Variants in PPP4R3A observed in about 807,000 individuals in gnomAD.
The protein encoded by PPP4R3A is serine/threonine-protein phosphatase 4 regulatory subunit 3A.
PPP4R3A carries 15 observed loss-of-function variants against 91.7 expected under a neutral mutation model. That is an observed-to-expected ratio of 0.16 (90% CI 0.11 to 0.25). The LOEUF (loss-of-function observed/expected upper bound fraction) is 0.25, where lower values mean the gene tolerates loss of function less well. Ranked by LOEUF, PPP4R3A falls within the 10% of genes least tolerant of loss-of-function variation. The pLI, the probability that PPP4R3A is intolerant of heterozygous loss-of-function variation, is 1.00. For missense variants in PPP4R3A, 623 were observed against 998.4 expected (o/e 0.62, Z 5.07); for synonymous variants, 377 against 348.7 (o/e 1.08, Z -0.91).
intron 11 of PPP4R3A, among the ~76,000 whole-genome samples, chr14:91,464,154 C>T (rs1888329972): frequency 6.6e-6 from 1 of 152,140 alleles, no homozygotes; most frequent in African/African-American, 2.4e-5. Flanking sequence ...GACCCTATCT[C>T]TACTACAAAT....
intron 1 of PPP4R3A, among the ~76,000 whole-genome samples, chr14:91,507,795 T>G (rs1891506270): frequency 6.6e-6 from 1 of 151,800 alleles, no homozygotes; most frequent in South Asian, 2.1e-4. Flanking sequence ...ATGTATTATT[T>G]TTAATATGGA....
In PPP4R3A at chr14:91,457,782, A is replaced by T. The variant is rs1438238651; in HGVS notation, c.*977T>A. 6.6e-6 allele frequency: 1 copy of T among 152,664 alleles called. No homozygotes were observed. Among genetic ancestry groups the T allele is most frequent in the Non-Finnish European group, 1.5e-5 (1 of 68,030 alleles). 9.5% of individuals were successfully genotyped at this position (152,664 alleles called of 1,614,324 possible). On this transcript the variant is annotated 3_prime_UTR_variant, in exon 15 of 15. Transcript: ENST00000554943. Reference sequence around the variant, plus strand: ...ATTTAACAAAACTGTTGAAGTTTTAAATTCCATTCTATTTCCCTGAATTCT... The same window carrying T: ...ATTTAACAAAACTGTTGAAGTTTTATATTCCATTCTATTTCCCTGAATTCT...
At chr14:91,495,182 T>C (rs1890462551) in intron 1 of PPP4R3A, among the ~76,000 whole-genome samples, 1 of 152,080 alleles carries the variant, frequency 6.6e-6, no homozygotes, top group African/African-American at 2.4e-5. Flanking sequence ...ATAAATTCAA[T>C]GTGGCATATA....
intron 2 of PPP4R3A, among the ~76,000 whole-genome samples, chr14:91,486,785 T>A (rs1270654525): frequency 1.3e-5 from 2 of 150,304 alleles, no homozygotes; most frequent in African/African-American, 4.9e-5. Context: ...GTGCCTGTAA[T>A]CCCAGCCACT....
Position 91,481,881 on chromosome 14 carries a change from G to A in PPP4R3A, c.610C>T (p.Arg204Ter). Residue 204 changes from arginine (R) to a stop codon, truncating the protein, a stop_gained, in exon 4 of 15, where the codon CGA (arginine) becomes TGA (stop). Transcript: ENST00000554943. LOFTEE classifies it high-confidence loss of function. ...EIIKGIFLLN[R>*]TALFEVMFSE... ...AACATAACTTCAAAAAGAGCAGTTC[G>A]ATTCAAGAGAAAGATGCCTTTGATA... The A allele has an allele frequency of 6.2e-7, 1 of 1,614,060 alleles. No homozygotes were observed. Among genetic ancestry groups the A allele is most frequent in the Non-Finnish European group, 8.5e-7 (1 of 1,180,016 alleles).
At chr14:91,484,697 A>C (rs1241621649) in intron 3 of PPP4R3A, among the ~76,000 whole-genome samples, 1 of 152,174 alleles carries the variant, frequency 6.6e-6, no homozygotes, top group Non-Finnish European at 1.5e-5. Context: ...CTAGTCTCAG[A>C]ATTTGCATTT....
At chr14:91,505,213 G>A (rs2140169110) in intron 1 of PPP4R3A, among the ~76,000 whole-genome samples, 1 of 152,202 alleles carries the variant, frequency 6.6e-6, no homozygotes, top group East Asian at 1.9e-4. Flanking sequence ...AGCACTTTGG[G>A]AGGCTGAGGA....
chr14:91,457,952 C>T lies in PPP4R3A; in HGVS notation c.*807G>A, dbSNP rs535199776. The T allele has an allele frequency of 6.6e-6, 1 of 152,370 alleles. No individual in the cohort carries two copies. The highest frequency in any genetic ancestry group is 1.5e-5 in the Non-Finnish European group (1 of 68,000). 9.4% of individuals were successfully genotyped at this position (152,370 alleles called of 1,614,324 possible). A position where few individuals can be genotyped will look rare whatever the true frequency, so the allele number is the denominator to read the frequency against. On this transcript the variant is annotated 3_prime_UTR_variant, in exon 15 of 15. Coordinates refer to ENST00000554943, the MANE Select transcript of PPP4R3A (RefSeq NM_001366432.2). ...CATAAAACTCTAAACAAATTAAGAA[C>T]TGTGATGTAGAACAAAAATTACACA...
chr14:91,489,516 T>C (rs1275707931), intron 2 of PPP4R3A, among the ~76,000 whole-genome samples: 1 of 152,180 alleles, frequency 6.6e-6, no homozygotes, highest in Non-Finnish European at 1.5e-5. Context: ...TCCTTGAAGA[T>C]TCCAAATATT....
At chr14:91,495,474 G>C (rs1890500229) in intron 1 of PPP4R3A, among the ~76,000 whole-genome samples, 1 of 151,972 alleles carries the variant, frequency 6.6e-6, no homozygotes, top group African/African-American at 2.4e-5. Context: ...TCCCAGTCCA[G>C]ATAGGTAAAT....
At chr14:91,465,554 C>T (rs74084670) in intron 10 of PPP4R3A, 135 bp from the exon 11 acceptor site, 14 of 682,834 alleles carry the variant, frequency 2.1e-5, no homozygotes, top group South Asian at 4.3e-5. Flanking sequence ...TTTGCACTTC[C>T]GGAACTGTGA....
intron 7 of PPP4R3A, among the ~76,000 whole-genome samples, chr14:91,474,336 G>T (rs1162245963): frequency 6.6e-6 from 1 of 152,168 alleles, no homozygotes; most frequent in Non-Finnish European, 1.5e-5. Context: ...AAATAAGATT[G>T]AGAGGGATTC....
chr14:91,505,448 A>T (rs1223976767), intron 1 of PPP4R3A, among the ~76,000 whole-genome samples: 2 of 151,968 alleles, frequency 1.3e-5, no homozygotes, highest in African/African-American at 4.8e-5. Context: ...TCTGCCTAAA[A>T]AAAAAAAAAA....
At position 91,509,726 on chromosome 14, in the gene PPP4R3A, C is replaced by T; in HGVS notation, c.-79G>A. The T allele has an allele frequency of 2.1e-6, 3 of 1,426,004 alleles. No homozygotes were observed. The highest frequency in any genetic ancestry group is 1.8e-6 in the Non-Finnish European group (2 of 1,098,694). The allele number at this position is 1,426,004 out of a possible 1,614,324, so 88.3% of individuals were successfully genotyped here. On this transcript the variant is annotated 5_prime_UTR_variant, in exon 1 of 15. Transcript: ENST00000554943. Reference sequence around the variant, plus strand: ...GGCCCTGGAGAGGCGAGGGGCGAGGCGTGAGGGCGCCCGCGAGCGGAGGGC... The same window carrying T: ...GGCCCTGGAGAGGCGAGGGGCGAGGTGTGAGGGCGCCCGCGAGCGGAGGGC...
chr14:91,490,866 A>G, intron 1 of PPP4R3A, 64 bp from the exon 2 acceptor site: 1 of 856,564 alleles, frequency 1.2e-6, no homozygotes, highest in Non-Finnish European at 1.8e-6. Context: ...ATTCCCTTAC[A>G]TACACACATA....
rs188845786 is a variant in PPP4R3A, at chr14:91,466,342, C to T, written c.1661-923G>A. ...GTTTCTTTGGAGATCATGGAAGTGG[C>T]TCGTTAAATTGCCAATTTGCTATTA... On this transcript the variant is annotated intron_variant, in intron 10 of 14. Coordinates refer to ENST00000554943, the MANE Select transcript of PPP4R3A (RefSeq NM_001366432.2). 6.0e-4 allele frequency: 588 copies of T among 985,728 alleles called. 5 individuals carry two copies. In the African/African-American group the frequency reaches 9.4e-3, roughly 16 times the overall value. 61.1% of individuals were successfully genotyped at this position (985,728 alleles called of 1,614,324 possible).
At chr14:91,480,581 A>G (rs114474413) in intron 4 of PPP4R3A, among the ~76,000 whole-genome samples, 2,252 of 152,336 alleles carry the variant, frequency 0.015, 54 homozygotes, top group African/African-American at 0.051. Flanking sequence ...GAGACAGGCC[A>G]TAGCGCCTGG....
intron 3 of PPP4R3A, among the ~76,000 whole-genome samples, chr14:91,484,614 GATTTTAA>G (rs1889776297): frequency 6.6e-6 from 1 of 152,078 alleles, no homozygotes; most frequent in African/African-American, 2.4e-5. Flanking sequence ...CCTAAGAAAG[GATTTTAA>G]AAAACAATTA....
intron 13 of PPP4R3A, 115 bp downstream of exon 13, chr14:91,461,934 C>A (rs1275054866): frequency 7.1e-6 from 10 of 1,402,186 alleles, no homozygotes; most frequent in Non-Finnish European, 9.3e-6. Context: ...GCAATAGAGT[C>A]TTTAAACCGT....
Sources: allele counts gnomAD v4.1 joint callset (sites outside exome capture counted in the v4.1 genomes callset), GRCh38; gene constraint gnomAD v4.1.1; transcripts MANE v1.5; gene names NCBI Gene and HGNC (gene_info 2026-07-23, HGNC 2026-07-21).